ARL8B: variants seen among roughly 807,000 people sequenced by gnomAD.
The protein encoded by ARL8B is ADP-ribosylation factor-like protein 8B.
In ARL8B, 9 loss-of-function variants were observed where a neutral mutation model predicts 30.6. The ratio of observed to expected loss-of-function variants is 0.29; its 90% CI spans 0.18 to 0.51. The LOEUF is 0.51. ARL8B is among the 20% of genes least tolerant of loss of function. The pLI is 0.97. For synonymous variants in ARL8B, 74 were observed against 76.0 expected (o/e 0.97, Z 0.14); for missense variants, 130 against 227.2 (o/e 0.57, Z 2.75).
At chr3:5,168,443 C>T (rs955968866) in intron 1 of ARL8B, among the ~76,000 whole-genome samples, 1 of 152,164 alleles carries the variant, frequency 6.6e-6, no homozygotes, top group African/African-American at 2.4e-5. Context: ...GGAGTAAAAA[C>T]TCAAGGACTT....
intron 1 of ARL8B, among the ~76,000 whole-genome samples, chr3:5,149,668 T>C (rs1311131630): frequency 6.6e-6 from 1 of 152,238 alleles, no homozygotes; most frequent in Non-Finnish European, 1.5e-5. Context: ...AAACTTTCTT[T>C]CCTTTTATGG....
chr3:5,158,313 TGTATTCAGTGGAAGGAACAGGTAATG>T (rs894410003), intron 1 of ARL8B, among the ~76,000 whole-genome samples: 6 of 152,250 alleles, frequency 3.9e-5, no homozygotes, highest in East Asian at 1.9e-4. Flanking sequence ...GGGTTTTAGT[TGTATTCAGTGGAAGGAACAGGTAATG>T]GTATTCAGTG....
intron 1 of ARL8B, among the ~76,000 whole-genome samples, chr3:5,166,274 G>A (rs1267945085): frequency 1.3e-5 from 2 of 151,386 alleles, no homozygotes; most frequent in Middle Eastern, 3.2e-3. Flanking sequence ...TCTTGACCTC[G>A]TGATCCACCC....
At chr3:5,157,240 A>C (rs1184774528) in intron 1 of ARL8B, among the ~76,000 whole-genome samples, 1 of 152,186 alleles carries the variant, frequency 6.6e-6, no homozygotes, top group Non-Finnish European at 1.5e-5. Context: ...TAGTTCTCAA[A>C]GCCTTTGTGC....
intron 1 of ARL8B, among the ~76,000 whole-genome samples, chr3:5,124,940 G>A (rs944281752): frequency 6.6e-6 from 1 of 152,206 alleles, no homozygotes; most frequent in African/African-American, 2.4e-5. Flanking sequence ...ACAGCCAGTT[G>A]TATTTGTTGC....
intron 1 of ARL8B, among the ~76,000 whole-genome samples, chr3:5,126,202 T>A (rs2054228798): frequency 6.6e-6 from 1 of 152,050 alleles, no homozygotes; most frequent in African/African-American, 2.4e-5. Flanking sequence ...AAAATCCAAG[T>A]TAGTGATTAA....
intron 1 of ARL8B, among the ~76,000 whole-genome samples, chr3:5,133,467 A>T (rs1413945625): frequency 6.6e-6 from 1 of 152,228 alleles, no homozygotes; most frequent in Non-Finnish European, 1.5e-5. Context: ...GGATGAGTAC[A>T]ATTTAGCAAT....
Position 5,122,422 on chromosome 3 carries a change from C to T in ARL8B, c.-44C>T. 1 of 1,609,668 alleles carries T rather than the reference C, an allele frequency of 6.2e-7. No individual in the cohort carries two copies. Among genetic ancestry groups the T allele is most frequent in the Non-Finnish European group, 8.5e-7 (1 of 1,178,842 alleles). Reference sequence around the variant, plus strand: ...GCTCGTGTGGAAGTCGTCGACGCCGCCGCTCGTCCGTCCTCCCGTCCGTTC... The same window carrying T: ...GCTCGTGTGGAAGTCGTCGACGCCGTCGCTCGTCCGTCCTCCCGTCCGTTC... On this transcript the variant is annotated 5_prime_UTR_variant, in exon 1 of 7. Transcript: ENST00000256496.
At chr3:5,123,038 C>T (rs946401086) in intron 1 of ARL8B, among the ~76,000 whole-genome samples, 1 of 152,136 alleles carries the variant, frequency 6.6e-6, no homozygotes, top group Non-Finnish European at 1.5e-5. Context: ...TCTTAAGTTG[C>T]CACTTTGGAC....
chr3:5,123,496 A>C (rs752382297), intron 1 of ARL8B, among the ~76,000 whole-genome samples: 1 of 152,116 alleles, frequency 6.6e-6, no homozygotes, highest in African/African-American at 2.4e-5. Flanking sequence ...TAGGAGTGAA[A>C]GATTTCGCCT....
chr3:5,173,713 T>C (rs998374222), intron 4 of ARL8B, among the ~76,000 whole-genome samples: 2 of 151,140 alleles, frequency 1.3e-5, no homozygotes, highest in Admixed American at 6.6e-5. Context: ...AGACTCTGTC[T>C]CAAACAAACA....
chr3:5,125,519 A>G (rs2054222659), intron 1 of ARL8B, among the ~76,000 whole-genome samples: 1 of 147,586 alleles, frequency 6.8e-6, no homozygotes, highest in African/African-American at 2.5e-5. Flanking sequence ...AAAGTGAACC[A>G]GTGGCTCCAC....
At chr3:5,167,899 T>G (rs914301857) in intron 1 of ARL8B, among the ~76,000 whole-genome samples, 1 of 152,190 alleles carries the variant, frequency 6.6e-6, no homozygotes, top group South Asian at 2.1e-4. Context: ...GTGGTTATAG[T>G]TGTTCAACAC....
intron 1 of ARL8B, among the ~76,000 whole-genome samples, chr3:5,122,793 C>T (rs574634073): frequency 8.5e-5 from 13 of 152,202 alleles, no homozygotes; most frequent in Non-Finnish European, 1.8e-4. Context: ...AGATCGGCAG[C>T]GGAAGGGTTA....
chr3:5,136,248 A>G (rs2054324923), intron 1 of ARL8B, among the ~76,000 whole-genome samples: 1 of 151,682 alleles, frequency 6.6e-6, no homozygotes, highest in Admixed American at 6.6e-5. Flanking sequence ...GTAAGGCATT[A>G]TATTATTCTT....
chr3:5,172,961 G>A (rs371098977), intron 4 of ARL8B, among the ~76,000 whole-genome samples: 8 of 152,206 alleles, frequency 5.3e-5, no homozygotes, highest in South Asian at 2.1e-4. Flanking sequence ...GGAGCAGTGC[G>A]TAGGCCCAGG....
rs368327750 is a variant in ARL8B, at chr3:5,170,563, A to G, written c.184A>G (p.Lys62Glu). The change falls in exon 2 of 7, where the codon AAA (lysine) becomes GAA (glutamate). Residue 62 changes from lysine (K) to glutamate (E), a missense_variant. Coordinates refer to ENST00000256496, the MANE Select transcript of ARL8B (RefSeq NM_018184.3). Reference sequence around the variant, plus strand: ...GGGCTTCAACATGAGGAAGGTAACTAAAGGTAACGTCACAATAAAGGTAAG... The same window carrying G: ...GGGCTTCAACATGAGGAAGGTAACTGAAGGTAACGTCACAATAAAGGTAAG... The part of the protein sequence containing the change: ...TVGFNMRKVT[K>E]GNVTIKIWDI... The G allele has an allele frequency of 6.2e-7, 1 of 1,612,428 alleles. No homozygotes were observed. Among genetic ancestry groups the G allele is most frequent in the Non-Finnish European group, 8.5e-7 (1 of 1,178,720 alleles).
chr3:5,132,607 A>G (rs970336403), intron 1 of ARL8B, among the ~76,000 whole-genome samples: 4 of 152,184 alleles, frequency 2.6e-5, no homozygotes, highest in African/African-American at 4.8e-5. Flanking sequence ...CCCTTTTCAC[A>G]GAGCCAAGAC....
intron 1 of ARL8B, among the ~76,000 whole-genome samples, chr3:5,142,140 T>C (rs2054379841): frequency 6.6e-6 from 1 of 152,104 alleles, no homozygotes; most frequent in Non-Finnish European, 1.5e-5. Context: ...CCCGGTCCAG[T>C]TGGATGGTAA....
Sources: gnomAD v4.1 joint callset for allele counts (sites outside exome capture counted in the v4.1 genomes callset) on GRCh38, gnomAD v4.1.1 for gene constraint, MANE v1.5 for transcripts, NCBI Gene and HGNC (gene_info 2026-07-23, HGNC 2026-07-21) for gene names.